SLC44A5: variants seen among roughly 807,000 people sequenced by gnomAD.
The protein encoded by SLC44A5 is choline transporter-like protein 5.
In SLC44A5, 57 loss-of-function variants were observed where a neutral mutation model predicts 101.8. The ratio of observed to expected loss-of-function variants is 0.56; its 90% CI spans 0.45 to 0.70. The LOEUF (loss-of-function observed/expected upper bound fraction) is 0.70, where lower values mean the gene tolerates loss of function less well. Ranked by LOEUF, SLC44A5 falls within the 30% of genes least tolerant of loss-of-function variation. The probability of loss-of-function intolerance (pLI) is 0.00; values close to 1 mark genes in which losing one functional copy is unlikely to be tolerated. For missense variants in SLC44A5, 737 were observed against 853.1 expected, an observed-to-expected ratio of 0.86 and a Z score of 1.70; for synonymous variants, 281 against 290.9, an observed-to-expected ratio of 0.97 and a Z score of 0.35.
At chr1:75,716,876 CA>C in the SLC44A5 span, among the ~76,000 whole-genome samples, 1 of 151,200 alleles carries the variant, frequency 6.6e-6, no homozygotes, top group Non-Finnish European at 1.5e-5. Context: ...TACTAAAATA[CA>C]AAAAAAATTA....
chr1:75,496,729 T>A (rs796863698), intron 2 of SLC44A5, among the ~76,000 whole-genome samples: 10 of 151,830 alleles, frequency 6.6e-5, no homozygotes, highest in African/African-American at 2.4e-4. Flanking sequence ...CCAAACCATA[T>A]ATCTAATAAA....
chr1:75,501,693 A>G (rs982212036), intron 2 of SLC44A5, among the ~76,000 whole-genome samples: 9 of 152,184 alleles, frequency 5.9e-5, no homozygotes, highest in Admixed American at 2.0e-4. Context: ...GTAAACTGCC[A>G]TATCACCCCA....
chr1:75,434,951 TAC>T (rs1283088824), intron 2 of SLC44A5, among the ~76,000 whole-genome samples: 1 of 152,138 alleles, frequency 6.6e-6, no homozygotes, highest in Non-Finnish European at 1.5e-5. Flanking sequence ...TGCCCCATAT[TAC>T]AGTTAGGTAT....
At chr1:75,484,782 C>T (rs1668066986) in intron 2 of SLC44A5, among the ~76,000 whole-genome samples, 1 of 152,214 alleles carries the variant, frequency 6.6e-6, no homozygotes, top group South Asian at 2.1e-4. Flanking sequence ...GTGGAGGCTC[C>T]CAAAGCTCAA....
chr1:75,347,312 C>T lies in SLC44A5; in HGVS notation c.53-7682G>A, dbSNP rs140559564. Among the ~76,000 whole-genome samples the T allele has an allele frequency of 1.7e-4, 26 of 152,158 alleles. No individual in the cohort carries two copies. The East Asian group carries it at 4.3e-3, about 25-fold the overall frequency. On this transcript the variant is annotated intron_variant, in intron 3 of 23. Coordinates refer to ENST00000370859, the MANE Select transcript of SLC44A5 (RefSeq NM_001130058.2). Reference sequence around the variant, plus strand: ...TTTTGCCACAACTCAAGAAGATAGACGTTAATAATCACTGGGAAAACATCC... The same window carrying T: ...TTTTGCCACAACTCAAGAAGATAGATGTTAATAATCACTGGGAAAACATCC...
At chr1:75,696,864 G>A in the SLC44A5 span, among the ~76,000 whole-genome samples, 2 of 151,834 alleles carry the variant, frequency 1.3e-5, no homozygotes, top group African/African-American at 4.8e-5. Flanking sequence ...GATCCAGACT[G>A]GGCAACAGAG....
intron 4 of SLC44A5, among the ~76,000 whole-genome samples, chr1:75,319,116 C>G (rs1009202579): frequency 6.6e-6 from 1 of 152,096 alleles, no homozygotes; most frequent in African/African-American, 2.4e-5. Flanking sequence ...AGCTGGTAAA[C>G]AGTACATTAT....
the SLC44A5 span, among the ~76,000 whole-genome samples, chr1:75,638,703 G>A: frequency 0.044 from 6,658 of 152,096 alleles, 205 homozygotes; most frequent in African/African-American, 0.091. Context: ...GTAGTTTTCA[G>A]CCAATCAACT....
chr1:75,419,798 T>C (rs575278866), intron 2 of SLC44A5, among the ~76,000 whole-genome samples: 2 of 152,270 alleles, frequency 1.3e-5, no homozygotes, highest in East Asian at 3.9e-4. Context: ...TTATAACACA[T>C]TTAATTTAAA....
At chr1:75,426,804 A>T (rs1183755500) in intron 2 of SLC44A5, among the ~76,000 whole-genome samples, 1 of 152,226 alleles carries the variant, frequency 6.6e-6, no homozygotes, top group Non-Finnish European at 1.5e-5. Context: ...GGCACAAAGA[A>T]GCAGGGAGAG....
chr1:75,628,000 A>G, the SLC44A5 span, among the ~76,000 whole-genome samples: 1 of 151,106 alleles, frequency 6.6e-6, no homozygotes, highest in Non-Finnish European at 1.5e-5. Flanking sequence ...CATAGGTCTT[A>G]CAGCTAGTAC....
chr1:75,304,867 A>G (rs1242241494), intron 4 of SLC44A5, among the ~76,000 whole-genome samples: 1 of 152,174 alleles, frequency 6.6e-6, no homozygotes, highest in African/African-American at 2.4e-5. Context: ...AAGAATAGTT[A>G]CAGAGACAGT....
At chr1:75,562,820 T>C (rs1672593660) in intron 1 of SLC44A5, among the ~76,000 whole-genome samples, 1 of 152,210 alleles carries the variant, frequency 6.6e-6, no homozygotes, top group Non-Finnish European at 1.5e-5. Context: ...TCTTTCTTAG[T>C]GGTCTATTAT....
chr1:75,490,447 T>C (rs1288036010), intron 2 of SLC44A5, among the ~76,000 whole-genome samples: 5 of 152,188 alleles, frequency 3.3e-5, no homozygotes, highest in Admixed American at 6.5e-5. Context: ...ACTGGGACAA[T>C]AGCTTTTTTA....
chr1:75,547,386 C>T (rs1014555615), intron 1 of SLC44A5, among the ~76,000 whole-genome samples: 6 of 152,142 alleles, frequency 3.9e-5, no homozygotes, highest in African/African-American at 1.2e-4. Context: ...GAGCAGAACT[C>T]TCAATGGAAA....
intron 4 of SLC44A5, among the ~76,000 whole-genome samples, chr1:75,309,932 T>C (rs1185335295): frequency 6.6e-6 from 1 of 152,228 alleles, no homozygotes; most frequent in African/African-American, 2.4e-5. Context: ...TTTTTGTGAA[T>C]ATTTGCCAAC....
At chr1:75,239,520 C>T (rs1395458211) in intron 9 of SLC44A5, among the ~76,000 whole-genome samples, 2 of 151,930 alleles carry the variant, frequency 1.3e-5, no homozygotes, top group East Asian at 3.9e-4. Context: ...AAGCCTTTCC[C>T]GACTTTCCTG....
chr1:75,596,772 A>G (rs1674658588), intron 1 of SLC44A5, among the ~76,000 whole-genome samples: 1 of 152,188 alleles, frequency 6.6e-6, no homozygotes, highest in African/African-American at 2.4e-5. Flanking sequence ...AAAACTCTCA[A>G]TAAACTAGGT....
At chr1:75,588,358 T>C (rs1674142910) in intron 1 of SLC44A5, among the ~76,000 whole-genome samples, 1 of 152,088 alleles carries the variant, frequency 6.6e-6, no homozygotes, top group African/African-American at 2.4e-5. Flanking sequence ...GAATACCCAC[T>C]ATATATAACT....
Sources: gnomAD v4.1 joint callset for allele counts (sites outside exome capture counted in the v4.1 genomes callset) on GRCh38, gnomAD v4.1.1 for gene constraint, MANE v1.5 for transcripts, NCBI Gene and HGNC (gene_info 2026-07-23, HGNC 2026-07-21) for gene names.